Variants in CLASP1 observed in about 807,000 individuals in gnomAD.
The protein encoded by CLASP1 is cytoplasmic linker associated protein 1, also known as CLIP-associating protein 1.
Under a neutral mutation model 192.3 loss-of-function variants are expected in CLASP1, and 38 were observed. The observed-to-expected ratio is 0.20, with a 90% CI of 0.15 to 0.26. CLASP1 has a LOEUF of 0.26. CLASP1 is among the 10% of genes least tolerant of loss of function. CLASP1 has a pLI of 1.00. For synonymous variants in CLASP1, 691 were observed against 712.8 expected, an observed-to-expected ratio of 0.97 and a Z score of 0.49; for missense variants, 1,433 against 1,932.5, an observed-to-expected ratio of 0.74 and a Z score of 4.85.
At chr2:121,394,678 G>A (rs763613372) in intron 30 of CLASP1, among the ~76,000 whole-genome samples, 1 of 152,142 alleles carries the variant, frequency 6.6e-6, no homozygotes, top group Non-Finnish European at 1.5e-5. Context: ...TCAGGAGTTC[G>A]AGACCAGCCT....
rs557917167 is a variant in CLASP1, at chr2:121,438,650, T to C, written c.1913-8473A>G. 2.8e-3 allele frequency among the ~76,000 whole-genome samples: 431 copies of C among 152,318 alleles called. 3 individuals carry two copies. The highest frequency in any genetic ancestry group is 1.0e-2 in the African/African-American group (415 of 41,568). ...ATTACATTTATTGATTTGCGTATAT[T>C]GAACCAGCCTTGCATCCCAGGGATG... On this transcript the variant is annotated intron_variant, in intron 19 of 39. Transcript: ENST00000263710.
At chr2:121,456,798 G>GA (rs2086764672) in intron 14 of CLASP1, among the ~76,000 whole-genome samples, 1 of 152,132 alleles carries the variant, frequency 6.6e-6, no homozygotes. Flanking sequence ...TCTTAAGAGT[G>GA]AAGGACTCTT....
intron 6 of CLASP1, 49 bp from the exon 7 acceptor site, chr2:121,515,811 C>A (rs745932543): frequency 1.3e-6 from 2 of 1,533,466 alleles, no homozygotes; most frequent in Non-Finnish European, 1.8e-6. Context: ...CATCCCCCAG[C>A]AAGTCCTGCT....
chr2:121,478,656 A>AC (rs1203904108), intron 8 of CLASP1, among the ~76,000 whole-genome samples: 6 of 85,414 alleles, frequency 7.0e-5, no homozygotes, highest in Non-Finnish European at 1.5e-4. Context: ...CCCCACACAC[A>AC]CACACCCCCC....
chr2:121,449,736 A>C (rs2085054533), intron 16 of CLASP1, among the ~76,000 whole-genome samples: 2 of 152,194 alleles, frequency 1.3e-5, no homozygotes, highest in South Asian at 2.1e-4. Context: ...GCAAAGAAAA[A>C]ATTGGCACAA....
intron 1 of CLASP1, among the ~76,000 whole-genome samples, chr2:121,610,631 A>AGGTGTT (rs2065196679): frequency 1.3e-5 from 2 of 148,216 alleles, no homozygotes; most frequent in Non-Finnish European, 3.0e-5. Flanking sequence ...CTGGAGGAGG[A>AGGTGTT]GGAGGAGTTA....
chr2:121,557,870 C>T (rs1165557119), intron 2 of CLASP1, among the ~76,000 whole-genome samples: 1 of 151,786 alleles, frequency 6.6e-6, no homozygotes, highest in Non-Finnish European at 1.5e-5. Context: ...ATCACAAAGT[C>T]AGGAGTTCAA....
chr2:121,433,695 G>A (rs1331998641), intron 19 of CLASP1, among the ~76,000 whole-genome samples: 1 of 152,220 alleles, frequency 6.6e-6, no homozygotes, highest in Non-Finnish European at 1.5e-5. Flanking sequence ...GGCAAAGGTT[G>A]CAGTGAGCTG....
intron 24 of CLASP1, among the ~76,000 whole-genome samples, chr2:121,408,790 G>A (rs1476349676): frequency 6.6e-6 from 1 of 152,160 alleles, no homozygotes; most frequent in East Asian, 1.9e-4. Flanking sequence ...ACTACTAGGC[G>A]AAGGAGCAGA....
chr2:121,590,334 T>C (rs1471512878), intron 2 of CLASP1, among the ~76,000 whole-genome samples: 1 of 152,160 alleles, frequency 6.6e-6, no homozygotes, highest in African/African-American at 2.4e-5. Context: ...GCAGTGATGC[T>C]ATGGCCAAAA....
intron 2 of CLASP1, among the ~76,000 whole-genome samples, chr2:121,575,901 G>A (rs892585007): frequency 1.3e-5 from 2 of 152,164 alleles, no homozygotes; most frequent in Non-Finnish European, 2.9e-5. Context: ...AGTTAAATGT[G>A]TCCCTACCCA....
At chr2:121,562,079 T>C (rs890385123) in intron 2 of CLASP1, among the ~76,000 whole-genome samples, 1 of 152,254 alleles carries the variant, frequency 6.6e-6, no homozygotes, top group African/African-American at 2.4e-5. Context: ...GACTAATGTG[T>C]TCCTACAGGT....
chr2:121,612,004 G>C (rs1450466604), intron 1 of CLASP1, among the ~76,000 whole-genome samples: 1 of 149,904 alleles, frequency 6.7e-6, no homozygotes, highest in Non-Finnish European at 1.5e-5. Context: ...GGAGGAGGAG[G>C]AGAAGGAGTT....
intron 14 of CLASP1, among the ~76,000 whole-genome samples, chr2:121,457,211 A>G (rs2086848250): frequency 6.6e-6 from 1 of 152,222 alleles, no homozygotes; most frequent in Admixed American, 6.5e-5. Flanking sequence ...GTGAAGATTC[A>G]GAATCCCAGA....
rs150706301 is a variant in CLASP1 at position 121,546,242 on chromosome 2, A to C, written c.196-15917T>G. Among the ~76,000 whole-genome samples, 735 of 152,164 alleles carry C rather than the reference A, an allele frequency of 4.8e-3. 5 individuals are homozygous for C. The highest frequency in any genetic ancestry group is 8.5e-3 in the Non-Finnish European group (575 of 68,012). On this transcript the variant is annotated intron_variant, in intron 2 of 39. Coordinates refer to ENST00000263710, the Ensembl canonical transcript of CLASP1. The stretch of plus-strand genomic sequence containing the variant: ...GAAATAACTTGGCAGTTTCTTTAAA[A>C]ACGAAACACACACGTACCCTATGAC...
intron 1 of CLASP1, among the ~76,000 whole-genome samples, chr2:121,612,390 A>G (rs1005192190): frequency 6.8e-6 from 1 of 147,566 alleles, no homozygotes; most frequent in Admixed American, 6.8e-5. Context: ...AGAAGGAGAA[A>G]TTGGAGGAGT....
At chr2:121,506,639 T>A (rs2093957948) in intron 7 of CLASP1, among the ~76,000 whole-genome samples, 1 of 152,060 alleles carries the variant, frequency 6.6e-6, no homozygotes, top group East Asian at 1.9e-4. Context: ...CCCTGAAGCC[T>A]CTAATGTCCC....
At chr2:121,582,395 T>C (rs2061292434) in intron 2 of CLASP1, among the ~76,000 whole-genome samples, 1 of 122,528 alleles carries the variant, frequency 8.2e-6, no homozygotes. Flanking sequence ...GATGGATGGA[T>C]GAATGGATGG....
At chr2:121,501,014 T>C (rs2093735363) in intron 8 of CLASP1, among the ~76,000 whole-genome samples, 1 of 152,218 alleles carries the variant, frequency 6.6e-6, no homozygotes, top group Non-Finnish European at 1.5e-5. Flanking sequence ...CACACAGTTT[T>C]GGCATTCCTG....
Sources: allele counts gnomAD v4.1 joint callset (sites outside exome capture counted in the v4.1 genomes callset), GRCh38; gene constraint gnomAD v4.1.1; transcripts MANE v1.5; gene names NCBI Gene and HGNC (gene_info 2026-07-23, HGNC 2026-07-21).